RNF115: variants seen among roughly 807,000 people sequenced by gnomAD.
RNF115 encodes the protein E3 ubiquitin-protein ligase RNF115.
Under a neutral mutation model 39.2 loss-of-function variants are expected in RNF115, and 31 were observed. The observed-to-expected ratio is 0.79, with a 90% CI of 0.59 to 1.07. The LOEUF (loss-of-function observed/expected upper bound fraction) is 1.07. RNF115 is among the 50% of genes least tolerant of loss of function. RNF115 has a pLI of 0.00. For synonymous variants in RNF115, 124 were observed against 131.0 expected (o/e 0.95, Z 0.37); for missense variants, 384 against 381.7 (o/e 1.01, Z -0.05).
At chr1:145,775,813 T>C (rs1390369777) in intron 3 of RNF115, among the ~76,000 whole-genome samples, 1 of 151,822 alleles carries the variant, frequency 6.6e-6, no homozygotes, top group African/African-American at 2.4e-5. Flanking sequence ...CTGGCCAACA[T>C]GGTGAAACCT....
chr1:145,759,812 C>A (rs1341352374), intron 4 of RNF115, among the ~76,000 whole-genome samples: 1 of 152,046 alleles, frequency 6.6e-6, no homozygotes, highest in Non-Finnish European at 1.5e-5. Context: ...CTTCTCCTAC[C>A]ATTCCCCTCA....
At chr1:145,763,919 T>C (rs868929222) in intron 4 of RNF115, among the ~76,000 whole-genome samples, 87 of 88,616 alleles carry the variant, frequency 9.8e-4, no homozygotes, top group African/African-American at 2.9e-3. Flanking sequence ...CCTCTCCCCA[T>C]GGTCTCCCTC....
chr1:145,816,736 T>TTTTTC (rs1461967239), intron 1 of RNF115, among the ~76,000 whole-genome samples: 2 of 147,040 alleles, frequency 1.4e-5, no homozygotes, highest in African/African-American at 2.4e-5. Context: ...TTTCTTTTTC[T>TTTTTC]TTTTCTTTTC....
Position 145,804,728 on chromosome 1 carries a change from A to T in RNF115, c.103-15762T>A, listed in dbSNP as rs920664669. Among the ~76,000 whole-genome samples, 3 of 152,208 alleles carry T rather than the reference A, an allele frequency of 2.0e-5. No individual in the cohort carries two copies. The East Asian group carries it at 5.8e-4, about 29-fold the overall frequency. On this transcript the variant is annotated intron_variant, in intron 1 of 8. Transcript: ENST00000582693. ...ATATTAACCAGTGGTTAAGGTGGGG[A>T]GAAAAACTAGATTTAGAAAAGCCTG...
intron 3 of RNF115, among the ~76,000 whole-genome samples, chr1:145,784,261 C>T (rs1039356792): frequency 2.0e-5 from 3 of 152,124 alleles, no homozygotes; most frequent in Non-Finnish European, 2.9e-5. Context: ...ACTGTATATA[C>T]AATAACAAAG....
intron 2 of RNF115, among the ~76,000 whole-genome samples, chr1:145,788,463 T>C (rs1648490871): frequency 6.6e-6 from 1 of 152,220 alleles, no homozygotes; most frequent in East Asian, 1.9e-4. Context: ...ACAGCCTGTT[T>C]ACCTGATTAG....
At chr1:145,752,506 G>A (rs1658124177) in intron 5 of RNF115, among the ~76,000 whole-genome samples, 1 of 148,466 alleles carries the variant, frequency 6.7e-6, no homozygotes. Context: ...AAAAAAAAAA[G>A]TTCTGATTAA....
At chr1:145,753,876 C>T (rs1461888543) in intron 4 of RNF115, among the ~76,000 whole-genome samples, 1 of 152,066 alleles carries the variant, frequency 6.6e-6, no homozygotes, top group Non-Finnish European at 1.5e-5. Flanking sequence ...GCCACCACAC[C>T]CGGCTAATTT....
At position 145,744,503 on chromosome 1, in the gene RNF115, T is replaced by G. The variant is rs1342841014; in HGVS notation, c.*2363A>C. 2 of 152,202 alleles carry G rather than the reference T, an allele frequency of 1.3e-5. No individual in the cohort carries two copies. The highest frequency in any genetic ancestry group is 4.8e-5 in the African/African-American group (2 of 41,436). The allele number at this position is 152,202 out of a possible 1,614,324, so 9.4% of individuals were successfully genotyped here. On this transcript the variant is annotated 3_prime_UTR_variant, in exon 9 of 9. Transcript: ENST00000582693. ...TGAATCATACTTTCTGGTCACAACT[T>G]TTAGAGGCAGGCTATTATTTCAGCA... is the stretch of plus-strand genomic sequence containing the variant.
At chr1:145,780,054 C>G (rs1259151536) in intron 3 of RNF115, among the ~76,000 whole-genome samples, 1 of 151,750 alleles carries the variant, frequency 6.6e-6, no homozygotes, top group Non-Finnish European at 1.5e-5. Flanking sequence ...GTGGTAAAAC[C>G]CCATCTCTAC....
chr1:145,765,002 T>C (rs1658712514), intron 4 of RNF115, among the ~76,000 whole-genome samples: 1 of 152,212 alleles, frequency 6.6e-6, no homozygotes, highest in Non-Finnish European at 1.5e-5. Context: ...GGGGAAGGGA[T>C]AGAGAAATCG....
At chr1:145,761,450 G>A (rs1645349160) in intron 4 of RNF115, among the ~76,000 whole-genome samples, 1 of 152,216 alleles carries the variant, frequency 6.6e-6, no homozygotes, top group Non-Finnish European at 1.5e-5. Flanking sequence ...TGTCCCAGTT[G>A]CTCCAGCCAT....
chr1:145,806,547 TGGAGGTAGGGCCTAGTG>T (rs1265224904), intron 1 of RNF115, among the ~76,000 whole-genome samples: 1 of 152,154 alleles, frequency 6.6e-6, no homozygotes, highest in Admixed American at 6.6e-5. Context: ...TCCCCAATGT[TGGAGGTAGGGCCTAGTG>T]GGAGGTATTT....
At chr1:145,795,300 G>A (rs1349221047) in intron 1 of RNF115, among the ~76,000 whole-genome samples, 3 of 152,122 alleles carry the variant, frequency 2.0e-5, no homozygotes, top group African/African-American at 4.8e-5. Context: ...AGAGTGAGCA[G>A]CAGCAAGTTT....
chr1:145,784,716 C>G, intron 2 of RNF115, 120 bp from the exon 3 acceptor site: 1 of 736,648 alleles, frequency 1.4e-6, no homozygotes, highest in Non-Finnish European at 2.4e-6. Flanking sequence ...CTCATCCCAA[C>G]ACAACACCTA....
intron 3 of RNF115, among the ~76,000 whole-genome samples, chr1:145,775,007 G>A (rs1182130457): frequency 1.3e-5 from 2 of 152,146 alleles, no homozygotes; most frequent in Non-Finnish European, 2.9e-5. Context: ...AGCACTTTGG[G>A]AGGCCAAGGC....
intron 1 of RNF115, among the ~76,000 whole-genome samples, chr1:145,795,432 T>C (rs1225105583): frequency 4.6e-5 from 7 of 152,156 alleles, no homozygotes; most frequent in Non-Finnish European, 8.8e-5. Context: ...CCTGCTTGAT[T>C]GGTCCATTTT....
chr1:145,769,009 A>C (rs1553715383), intron 4 of RNF115, among the ~76,000 whole-genome samples: 2 of 152,344 alleles, frequency 1.3e-5, no homozygotes, highest in Admixed American at 6.5e-5. Context: ...CCTTGGAAGG[A>C]AAGTTTCTGA....
At chr1:145,802,545 C>T (rs908402312) in intron 1 of RNF115, among the ~76,000 whole-genome samples, 9 of 152,174 alleles carry the variant, frequency 5.9e-5, no homozygotes, top group African/African-American at 2.2e-4. Context: ...AATACTTATT[C>T]AGTACATCAA....
Sources: gnomAD v4.1 joint callset for allele counts (sites outside exome capture counted in the v4.1 genomes callset) on GRCh38, gnomAD v4.1.1 for gene constraint, MANE v1.5 for transcripts, NCBI Gene and HGNC (gene_info 2026-07-23, HGNC 2026-07-21) for gene names.